TDRD6: variants seen among roughly 807,000 people sequenced by gnomAD.
TDRD6 encodes tudor domain-containing protein 6.
Under a neutral mutation model 157.5 loss-of-function variants are expected in TDRD6, and 186 were observed. The ratio of observed to expected loss-of-function variants is 1.18; its 90% CI spans 1.05 to 1.33. The LOEUF (loss-of-function observed/expected upper bound fraction) is 1.33. Among genes scored for constraint, TDRD6 ranks in the 40% most tolerant of loss-of-function variants. The pLI is 0.00. For missense variants in TDRD6, 3,066 were observed against 2,508.0 expected (o/e 1.22, Z -4.75); for synonymous variants, 1,075 against 945.2 (o/e 1.14, Z -2.52).
rs773074063 is a variant in TDRD6 at position 46,695,888 on chromosome 6, T to C, written c.6114T>C (p.Ser2038=). Residue 2038 remains serine, a synonymous_variant, in exon 2 of 4, where the codon AGT becomes AGC. Coordinates refer to ENST00000316081, the MANE Select transcript of TDRD6 (RefSeq NM_001010870.3). ...GATCTAAATGTGTTGTGTGGTCAAG[T>C]CTAAGAAACACATGGTCTAAATGTG... ...TVGSKCVVWS[S]LRNTWSKCEI... The C allele has an allele frequency of 2.5e-6, 4 of 1,613,562 alleles. No individual in the cohort carries two copies. The highest frequency in any genetic ancestry group is 3.4e-6 in the Non-Finnish European group (4 of 1,179,744).
chr6:46,696,474 G>GTATATATATATATA (rs1286889467), intron 2 of TDRD6, among the ~76,000 whole-genome samples: 39 of 131,514 alleles, frequency 3.0e-4, no homozygotes, highest in African/African-American at 8.4e-4. Flanking sequence ...GTATATGTGT[G>GTATATATATATATA]TATATATATA....
At chr6:46,684,470 G>A (rs554980263), upstream of TDRD6, among the ~76,000 whole-genome samples, 14 of 151,736 alleles carry the variant, frequency 9.2e-5, no homozygotes, top group South Asian at 2.5e-3. Context: ...CAGTTCATCA[G>A]TCCATGCCTG....
intron 2 of TDRD6, among the ~76,000 whole-genome samples, chr6:46,697,214 A>G (rs987418900): frequency 2.0e-5 from 3 of 151,990 alleles, no homozygotes; most frequent in Non-Finnish European, 4.4e-5. Context: ...TTGCAGTTCT[A>G]TTTTACCTAT....
At chr6:46,699,326 A>G (rs551126240) in intron 3 of TDRD6, among the ~76,000 whole-genome samples, 1 of 152,266 alleles carries the variant, frequency 6.6e-6, no homozygotes, top group South Asian at 2.1e-4. Flanking sequence ...TCCTATTACT[A>G]TTCTTCAGAT....
intron 3 of TDRD6, among the ~76,000 whole-genome samples, chr6:46,698,790 G>A (rs73736606): frequency 0.026 from 3,936 of 152,226 alleles, 167 homozygotes; most frequent in African/African-American, 0.089. Context: ...TGAACATTTT[G>A]CATATTATGT....
At position 46,692,066 on chromosome 6, in the gene TDRD6, A is replaced by G. The variant is rs749192007; in HGVS notation, c.3938A>G (p.His1313Arg). 1.5e-5 allele frequency: 24 copies of G among 1,612,720 alleles called. No individual in the cohort carries two copies. The highest frequency in any genetic ancestry group is 1.6e-5 in the Non-Finnish European group (19 of 1,179,570). Reference sequence around the variant, plus strand: ...TTTAAAACAACTGTATATGTTTCTCATATAAATGACCTTTCAGACTTTTAT... The same window carrying G: ...TTTAAAACAACTGTATATGTTTCTCGTATAAATGACCTTTCAGACTTTTAT... ...PGFKTTVYVSHINDLSDFYVQ... is the reference protein window; with the variant it reads ...PGFKTTVYVSRINDLSDFYVQ... Residue 1313 changes from histidine (H) to arginine (R), a missense_variant, in exon 1 of 4, where the codon CAT becomes CGT. Coordinates refer to ENST00000316081, the MANE Select transcript of TDRD6 (RefSeq NM_001010870.3).
At chr6:46,685,528 G>C (rs1180412126), upstream of TDRD6, among the ~76,000 whole-genome samples, 1 of 152,026 alleles carries the variant, frequency 6.6e-6, no homozygotes, top group Non-Finnish European at 1.5e-5. Context: ...TCCATCCCTG[G>C]CCTTAACCTT....
At position 46,690,846 on chromosome 6, in the gene TDRD6, C is replaced by T; in HGVS notation, c.2718C>T (p.Phe906=). ...FVWDVKAIQA[F]NEFIDNAWQK... ...GGGATGTAAAGGCAATACAAGCTTT[C>T]AATGAATTTATAGATAATGCATGGC... The change falls in exon 1 of 4, where the codon TTC becomes TTT. Residue 906 remains phenylalanine (F), a synonymous_variant. Transcript: ENST00000316081. 1 of 1,613,644 alleles carries T rather than the reference C, an allele frequency of 6.2e-7. No individual in the cohort carries two copies. The highest frequency in any genetic ancestry group is 8.5e-7 in the Non-Finnish European group (1 of 1,179,930).
chr6:46,696,036 G>A (rs1259291226), intron 2 of TDRD6, 91 bp downstream of exon 2: 1 of 1,391,054 alleles, frequency 7.2e-7, no homozygotes, highest in South Asian at 1.4e-5. Context: ...GAACGCGATT[G>A]AACAAATGTT....
Position 46,693,732 on chromosome 6 carries a change from G to A in TDRD6, c.5604G>A (p.Glu1868=). 6.2e-7 allele frequency: 1 copy of A among 1,614,198 alleles called. No individual in the cohort carries two copies. The highest frequency in any genetic ancestry group is 8.5e-7 in the Non-Finnish European group (1 of 1,180,032). Residue 1868 remains glutamate (E), a synonymous_variant, in exon 1 of 4, where the codon GAG becomes GAA. Coordinates refer to ENST00000316081, the MANE Select transcript of TDRD6 (RefSeq NM_001010870.3). ...NSLVVDEEKG[E]LSPVPPNVPL... ...TGGTGGTGGATGAAGAAAAAGGGGA[G>A]CTAAGCCCGGTGCCACCGAATGTGC...
Position 46,689,952 on chromosome 6 carries a change from G to A in TDRD6, c.1824G>A (p.Leu608=). 1 of 1,613,938 alleles carries A rather than the reference G, an allele frequency of 6.2e-7. No individual in the cohort carries two copies. Among genetic ancestry groups the A allele is most frequent in the Middle Eastern group, 1.7e-4 (1 of 6,060 alleles). The change falls in exon 1 of 4, where the codon TTG becomes TTA. Residue 608 remains leucine, a synonymous_variant. Coordinates refer to ENST00000316081, the MANE Select transcript of TDRD6 (RefSeq NM_001010870.3). The part of the protein sequence containing the change: ...VKCTLADIWP[L]GKTWSQEAVS... ...GCACCCTGGCTGATATTTGGCCTTT[G>A]GGAAAAACTTGGAGCCAGGAGGCAG...
chr6:46,682,649 T>C, the TDRD6 span, among the ~76,000 whole-genome samples: 4 of 151,952 alleles, frequency 2.6e-5, no homozygotes, highest in East Asian at 1.9e-4. Context: ...TCACAAGATA[T>C]AAGGCCAATA....
chr6:46,691,569 AAT>A lies in TDRD6; in HGVS notation c.3442_3443del (p.Ile1148Ter), dbSNP rs1441092565. On this transcript the variant is annotated frameshift_variant, in exon 1 of 4. Transcript: ENST00000316081. LOFTEE classifies it high-confidence loss of function. The part of the protein sequence containing the change: ...IIELYGDNIQ[I>X]SASINKKLGL... ...TAGAACTATATGGTGACAATATTCA[AAT>A]TAGTGCTAGTATTAATAAGAAGTTG... 1 of 1,613,512 alleles carries A rather than the reference AAT, an allele frequency of 6.2e-7. No homozygotes were observed. The highest frequency in any genetic ancestry group is 8.5e-7 in the Non-Finnish European group (1 of 1,179,752).
In TDRD6 at chr6:46,691,970, T is replaced by A. The variant is rs1764341903; in HGVS notation, c.3842T>A (p.Ile1281Lys). 1 of 1,613,360 alleles carries A rather than the reference T, an allele frequency of 6.2e-7. No individual in the cohort carries two copies. Among genetic ancestry groups the A allele is most frequent in the African/African-American group, 1.3e-5 (1 of 74,812 alleles). The part of the protein sequence containing the change: ...RVEATLSERK[I>K]GDSCDKDLPL... ...GAAGCTACTCTTTCAGAGAGAAAAA[T>A]AGGAGATTCATGTGACAAAGATTTG... is the stretch of plus-strand genomic sequence containing the variant. The change falls in exon 1 of 4, where the codon ATA (isoleucine) becomes AAA (lysine). Residue 1281 changes from isoleucine (I) to lysine (K), a missense_variant. Ile to Lys is a moderately radical substitution (Grantham distance 102). Transcript: ENST00000316081.
rs1199193378 is a variant in TDRD6, at chr6:46,690,007, A to G, written c.1879A>G (p.Lys627Glu). The change falls in exon 1 of 4, where the codon AAA (lysine) becomes GAA (glutamate). Residue 627 changes from lysine to glutamate, a missense_variant. Coordinates refer to ENST00000316081, the MANE Select transcript of TDRD6 (RefSeq NM_001010870.3). ...VSFFKKTVLH[K>E]ELVIHILDKQ... ...CTTTTTTAAAAAGACTGTGCTCCAC[A>G]AAGAATTAGTCATCCATATTCTTGA... The G allele has an allele frequency of 2.5e-6, 4 of 1,613,752 alleles. No individual in the cohort carries two copies. Among genetic ancestry groups the G allele is most frequent in the South Asian group, 1.1e-5 (1 of 91,034 alleles).
At chr6:46,698,476 T>G (rs185056746) in intron 3 of TDRD6, among the ~76,000 whole-genome samples, 1 of 152,236 alleles carries the variant, frequency 6.6e-6, no homozygotes, top group African/African-American at 2.4e-5. Flanking sequence ...ATATGTAATA[T>G]AAGTATTTCA....
chr6:46,688,457 G>C lies in TDRD6; in HGVS notation c.329G>C (p.Gly110Ala). The C allele has an allele frequency of 1.8e-5, 28 of 1,543,374 alleles. No individual in the cohort carries two copies. Among genetic ancestry groups the C allele is most frequent in the Non-Finnish European group, 2.3e-5 (26 of 1,146,574 alleles). The change falls in exon 1 of 4, where the codon GGC (glycine) becomes GCC (alanine). Residue 110 changes from glycine to alanine, a missense_variant. Coordinates refer to ENST00000316081, the MANE Select transcript of TDRD6 (RefSeq NM_001010870.3). ...DEGRTITAGA[G>A]SLAPGRREFF... ...GGCCGCACCATCACGGCCGGAGCAG[G>C]CTCGCTGGCGCCTGGGCGCAGAGAG...
chr6:46,691,113 T>G lies in TDRD6; in HGVS notation c.2985T>G (p.Ile995Met). 1 of 1,614,006 alleles carries G rather than the reference T, an allele frequency of 6.2e-7. No homozygotes were observed. Reference sequence around the variant, plus strand: ...AAGAATTAGTTTATATAACGCATATTGATGACCCTTGGACATTTTATTGCC... The same window carrying G: ...AAGAATTAGTTTATATAACGCATATGGATGACCCTTGGACATTTTATTGCC... ...GSEELVYITH[I>M]DDPWTFYCQL... The change falls in exon 1 of 4, where the codon ATT becomes ATG. Residue 995 changes from isoleucine (I) to methionine (M), a missense_variant. Ile to Met is a conservative substitution (Grantham distance 10, BLOSUM62 1). Transcript: ENST00000316081.
chr6:46,696,597 ATATATTTTTTTTTTTT>A (rs1764508873), intron 2 of TDRD6, among the ~76,000 whole-genome samples: 3 of 32,130 alleles, frequency 9.3e-5, no homozygotes, highest in African/African-American at 3.1e-4. Flanking sequence ...ATATATATAT[ATATATTTTTTTTTTTT>A]TTTTTTTTTT....
Sources: gnomAD v4.1 joint callset for allele counts (sites outside exome capture counted in the v4.1 genomes callset) on GRCh38, gnomAD v4.1.1 for gene constraint, MANE v1.5 for transcripts, NCBI Gene and HGNC (gene_info 2026-07-23, HGNC 2026-07-21) for gene names.